Variants in CSGALNACT1 observed in about 807,000 individuals in gnomAD.
CSGALNACT1 encodes chondroitin sulfate N-acetylgalactosaminyltransferase 1, also known as beta4GalNAcT-1.
Under a neutral mutation model 51.0 loss-of-function variants are expected in CSGALNACT1, and 52 were observed. The ratio of observed to expected loss-of-function variants is 1.02; its 90% CI spans 0.82 to 1.29. CSGALNACT1 has a LOEUF of 1.29. Ranked by LOEUF, CSGALNACT1 falls within the 50% of genes most tolerant of loss-of-function variation. The pLI, the probability that CSGALNACT1 is intolerant of heterozygous loss-of-function variation, is 0.00. For missense variants in CSGALNACT1, 935 were observed against 679.2 expected, an observed-to-expected ratio of 1.38 and a Z score of -4.19; for synonymous variants, 341 against 254.4, an observed-to-expected ratio of 1.34 and a Z score of -3.24.
chr8:19,682,042 T>C (rs892117208), intron 1 of CSGALNACT1, among the ~76,000 whole-genome samples: 19 of 152,216 alleles, frequency 1.2e-4, no homozygotes, highest in Non-Finnish European at 2.5e-4. Context: ...GATGTCTCCC[T>C]GTACCACAGA....
chr8:19,490,089 T>C lies in CSGALNACT1; in HGVS notation c.634+15112A>G, dbSNP rs183285042. On this transcript the variant is annotated intron_variant, in intron 4 of 9. Transcript: ENST00000454498. The stretch of plus-strand genomic sequence containing the variant: ...AATATTTCTAACTCTGGGATTCGAG[T>C]ATAACAGCCAGCAACATTCAGAAGC... 3.7e-4 allele frequency among the ~76,000 whole-genome samples: 57 copies of C among 152,248 alleles called. 1 individual carries two copies. The highest frequency in any genetic ancestry group is 1.3e-3 in the African/African-American group (53 of 41,540).
intron 3 of CSGALNACT1, among the ~76,000 whole-genome samples, chr8:19,529,047 G>T (rs1217553935): frequency 6.6e-6 from 1 of 152,150 alleles, no homozygotes. Context: ...CTCAAAATTT[G>T]AATATACCTT....
intron 6 of CSGALNACT1, among the ~76,000 whole-genome samples, chr8:19,429,552 T>C (rs2059333929): frequency 6.6e-6 from 1 of 152,148 alleles, no homozygotes; most frequent in Non-Finnish European, 1.5e-5. Context: ...CAGCATACAT[T>C]AGTACTTCAT....
chr8:19,551,678 A>G (rs922357541), intron 3 of CSGALNACT1, among the ~76,000 whole-genome samples: 8 of 152,162 alleles, frequency 5.3e-5, no homozygotes, highest in Admixed American at 5.2e-4. Context: ...CTTTCCTCCC[A>G]GTGGGCACTT....
intron 1 of CSGALNACT1, among the ~76,000 whole-genome samples, chr8:19,748,002 C>T (rs572289755): frequency 4.6e-5 from 7 of 152,120 alleles, no homozygotes; most frequent in Non-Finnish European, 8.8e-5. Flanking sequence ...AATATCCCTG[C>T]AAAATACAAG....
At chr8:19,742,821 A>G (rs2064397199) in intron 1 of CSGALNACT1, among the ~76,000 whole-genome samples, 2 of 152,212 alleles carry the variant, frequency 1.3e-5, no homozygotes, top group South Asian at 4.1e-4. Flanking sequence ...ATCGTCTATC[A>G]GGGGCCTCCA....
chr8:19,405,742 G>T (rs1425295640), exon 10 of CSGALNACT1: 9 of 1,613,290 alleles, frequency 5.6e-6, no homozygotes, highest in Non-Finnish European at 6.8e-6. Flanking sequence ...ATTGCAAAAG[G>T]AAAGAAAAAG....
At chr8:19,531,167 A>G (rs555958712) in intron 3 of CSGALNACT1, among the ~76,000 whole-genome samples, 1 of 152,316 alleles carries the variant, frequency 6.6e-6, no homozygotes, top group East Asian at 1.9e-4. Context: ...CTATTTTCTA[A>G]ATCCTCATGA....
At chr8:19,572,421 C>A (rs1294867372) in intron 3 of CSGALNACT1, among the ~76,000 whole-genome samples, 1 of 152,160 alleles carries the variant, frequency 6.6e-6, no homozygotes, top group Non-Finnish European at 1.5e-5. Context: ...AACAGGTTAA[C>A]ATGAGAAATC....
exon 10 of CSGALNACT1, chr8:19,404,933 T>C: frequency 2.2e-6 from 1 of 454,202 alleles, no homozygotes; most frequent in Non-Finnish European, 4.4e-6. Flanking sequence ...ATTCCTTCCC[T>C]ATGTCTCAAT....
chr8:19,461,764 GCGT>G lies in CSGALNACT1; in HGVS notation c.635-3125_635-3123del, dbSNP rs1365615146. ...ACAGCGGCCACATTCACCATGGAGGGCGTATCTGCACAGCAGCCACATTCACCA... is the reference window on the plus strand; with the variant it reads ...ACAGCGGCCACATTCACCATGGAGGGATCTGCACAGCAGCCACATTCACCA... On this transcript the variant is annotated intron_variant, in intron 4 of 9. Coordinates refer to ENST00000454498, the Ensembl canonical transcript of CSGALNACT1. Among the ~76,000 whole-genome samples, 24 of 141,286 alleles carry G rather than the reference GCGT, an allele frequency of 1.7e-4. 4 individuals are homozygous for G. Among genetic ancestry groups the G allele is most frequent in the East Asian group, 6.9e-4 (3 of 4,334 alleles). 92.7% of individuals were successfully genotyped at this position (141,286 alleles called of 152,430 possible).
intron 8 of CSGALNACT1, among the ~76,000 whole-genome samples, chr8:19,408,949 A>AACACACACACACAC (rs5889870): frequency 0.013 from 1,826 of 142,264 alleles, 24 homozygotes; most frequent in African/African-American, 0.033. Flanking sequence ...TAGATATGAA[A>AACACACACACACAC]ACACACACAC....
At chr8:19,576,926 C>A (rs942147218) in intron 3 of CSGALNACT1, among the ~76,000 whole-genome samples, 1 of 152,078 alleles carries the variant, frequency 6.6e-6, no homozygotes, top group Non-Finnish European at 1.5e-5. Context: ...CAATCACTGG[C>A]CATCCAATAA....
At chr8:19,424,977 G>T (rs2058550061) in intron 6 of CSGALNACT1, among the ~76,000 whole-genome samples, 1 of 152,128 alleles carries the variant, frequency 6.6e-6, no homozygotes, top group Non-Finnish European at 1.5e-5. Context: ...GATTGTGAAA[G>T]AAAAATAGAA....
intron 2 of CSGALNACT1, among the ~76,000 whole-genome samples, chr8:19,599,472 A>AAAAGAAAGAAATAAAGAAAG (rs1319884772): frequency 6.2e-5 from 7 of 113,736 alleles, no homozygotes; most frequent in Non-Finnish European, 1.0e-4. Flanking sequence ...GAAAGAAAGA[A>AAAAGAAAGAAATAAAGAAAG]AAAGAAAGAA....
intron 3 of CSGALNACT1, among the ~76,000 whole-genome samples, chr8:19,509,941 G>T (rs7005075): frequency 6.6e-6 from 1 of 151,814 alleles, no homozygotes; most frequent in Non-Finnish European, 1.5e-5. Flanking sequence ...TTTAGACCAG[G>T]TCAATCTCTT....
chr8:19,597,130 T>C (rs983194920), intron 2 of CSGALNACT1, among the ~76,000 whole-genome samples: 1 of 152,132 alleles, frequency 6.6e-6, no homozygotes, highest in Non-Finnish European at 1.5e-5. Flanking sequence ...TCACAAAGCA[T>C]CATGTCTCAA....
At chr8:19,614,623 G>A (rs900898963) in intron 1 of CSGALNACT1, among the ~76,000 whole-genome samples, 2 of 152,232 alleles carry the variant, frequency 1.3e-5, no homozygotes, top group Admixed American at 6.5e-5. Context: ...TTTCAACAGA[G>A]ATTGGTTTTA....
chr8:19,599,413 A>G (rs1469736542), intron 2 of CSGALNACT1, among the ~76,000 whole-genome samples: 15 of 146,916 alleles, frequency 1.0e-4, no homozygotes, highest in African/African-American at 3.5e-4. Flanking sequence ...AAAAGGAAAG[A>G]AAGGAAGGAA....
Sources: gnomAD v4.1 joint callset for allele counts (sites outside exome capture counted in the v4.1 genomes callset) on GRCh38, gnomAD v4.1.1 for gene constraint, MANE v1.5 for transcripts, NCBI Gene and HGNC (gene_info 2026-07-23, HGNC 2026-07-21) for gene names.